The following IAH1 variants were observed in gnomAD, a reference collection of about 807,000 sequenced individuals.
IAH1 encodes isoamyl acetate hydrolyzing esterase 1 (putative).
Under a neutral mutation model 26.7 loss-of-function variants are expected in IAH1, and 24 were observed. The observed-to-expected ratio is 0.90, with a 90% CI of 0.65 to 1.26. The LOEUF is 1.26. Ranked by LOEUF, IAH1 falls within the 50% of genes most tolerant of loss-of-function variation. The pLI, the probability that IAH1 is intolerant of heterozygous loss-of-function variation, is 0.00. For synonymous variants in IAH1, 140 were observed against 118.5 expected (o/e 1.18, Z -1.18); for missense variants, 300 against 299.9 (o/e 1.00, Z 0.00).
downstream of IAH1, among the ~76,000 whole-genome samples, chr2:9,491,957 C>T (rs925231857): frequency 2.0e-5 from 3 of 152,220 alleles, no homozygotes; most frequent in Admixed American, 6.5e-5. Flanking sequence ...CCAGAGACAT[C>T]TGTCAAAGCT....
At chr2:9,482,924 T>A (rs1177761145) in intron 4 of IAH1, among the ~76,000 whole-genome samples, 4 of 152,166 alleles carry the variant, frequency 2.6e-5, no homozygotes, top group African/African-American at 9.7e-5. Flanking sequence ...GGGAGGTGTT[T>A]AAGGCCCACA....
At chr2:9,475,111 G>C in intron 1 of IAH1, 2 of 1,269,308 alleles carry the variant, frequency 1.6e-6, no homozygotes, top group South Asian at 1.3e-5. Context: ...GGGCCGTTAG[G>C]GGTTGACCTT....
intron 6 of IAH1, chr2:9,494,867 A>T (rs948769185): frequency 1.4e-6 from 2 of 1,438,020 alleles, no homozygotes; most frequent in African/African-American, 2.9e-5. Flanking sequence ...AGAGGTAAGA[A>T]ATCACATTTA....
At chr2:9,482,949 A>G (rs918093035) in intron 4 of IAH1, among the ~76,000 whole-genome samples, 9 of 152,320 alleles carry the variant, frequency 5.9e-5, no homozygotes, top group Admixed American at 2.0e-4. Flanking sequence ...TCCCCTGGAG[A>G]CAACTTCAGA....
chr2:9,488,413 T>G lies in IAH1; in HGVS notation c.*84T>G, dbSNP rs1208034141. The stretch of plus-strand genomic sequence containing the variant: ...TAGAGGTACGCTTTTTTCCTCAGGC[T>G]TAAACCTTTGCCACTGATATTAATA... On this transcript the variant is annotated 3_prime_UTR_variant, in exon 6 of 6. Transcript: ENST00000497473. The G allele has an allele frequency of 1.8e-6, 2 of 1,103,512 alleles. No homozygotes were observed. The highest frequency in any genetic ancestry group is 2.6e-6 in the Non-Finnish European group (2 of 781,090). The allele number at this position is 1,103,512 out of a possible 1,614,324, so 68.4% of individuals were successfully genotyped here. A position where few individuals can be genotyped will look rare whatever the true frequency, so the allele number is the denominator to read the frequency against.
At chr2:9,475,262 T>C in intron 1 of IAH1, 5 of 1,197,482 alleles carry the variant, frequency 4.2e-6, no homozygotes, top group Non-Finnish European at 5.5e-6. Flanking sequence ...CCTGTGTGTG[T>C]CCTCTTCTCA....
At position 9,484,643 on chromosome 2, in the gene IAH1, C is replaced by G; in HGVS notation, c.564+93C>G. On this transcript the variant is annotated intron_variant, in intron 5 of 5. Coordinates refer to ENST00000497473, the MANE Select transcript of IAH1 (RefSeq NM_001039613.3). ...AGCAGCTTTCCCTAGAAAGGCCCTG[C>G]TTAGCTAAGACAGTCATCCCTTTAG... The G allele has an allele frequency of 3.7e-6, 3 of 810,082 alleles. No homozygotes were observed. In the Admixed American group the frequency reaches 6.4e-5, roughly 17 times the overall value. The allele number at this position is 810,082 out of a possible 1,614,324, so 50.2% of individuals were successfully genotyped here. A position where few individuals can be genotyped will look rare whatever the true frequency, so the allele number is the denominator to read the frequency against.
At chr2:9,493,060 T>C, downstream of IAH1, 3 of 1,264,430 alleles carry the variant, frequency 2.4e-6, no homozygotes, top group Non-Finnish European at 3.3e-6. Flanking sequence ...TCTTAGGATA[T>C]TACCATTGTG....
chr2:9,506,297 T>C, the IAH1 span, among the ~76,000 whole-genome samples: 1 of 148,264 alleles, frequency 6.7e-6, no homozygotes, highest in Non-Finnish European at 1.5e-5. Flanking sequence ...TTCAGAAAGA[T>C]AGCAAAGACC....
At chr2:9,478,075 T>C (rs1660931935) in intron 2 of IAH1, 147 bp from the exon 3 acceptor site, 3 of 624,572 alleles carry the variant, frequency 4.8e-6, no homozygotes, top group Non-Finnish European at 8.2e-6. Context: ...GCTATGTTCT[T>C]GCTCCTATCA....
chr2:9,482,743 C>T (rs575667060), intron 4 of IAH1, among the ~76,000 whole-genome samples: 6 of 152,328 alleles, frequency 3.9e-5, no homozygotes, highest in Admixed American at 3.3e-4. Flanking sequence ...GGATCCAATG[C>T]GTTCTCAAGT....
In IAH1 at chr2:9,488,499, GTATT is replaced by G. The variant is rs573141533; in HGVS notation, c.*175_*178del. On this transcript the variant is annotated 3_prime_UTR_variant, in exon 6 of 6. Coordinates refer to ENST00000497473, the MANE Select transcript of IAH1 (RefSeq NM_001039613.3). ...TACTTAGGTCCATTGTGTTTCGACA[GTATT>G]TATTAATGCAGATATCAGTGCTACA... 643 of 496,470 alleles carry G rather than the reference GTATT, an allele frequency of 1.3e-3. 3 individuals carry two copies. The highest frequency in any genetic ancestry group is 0.011 in the African/African-American group (581 of 51,040). The allele number at this position is 496,470 out of a possible 1,614,324, so 30.8% of individuals were successfully genotyped here. A position where few individuals can be genotyped will look rare whatever the true frequency, so the allele number is the denominator to read the frequency against.
chr2:9,511,305 C>T, the IAH1 span, among the ~76,000 whole-genome samples: 1 of 152,106 alleles, frequency 6.6e-6, no homozygotes, highest in Non-Finnish European at 1.5e-5. Context: ...AAAAAATTAG[C>T]TGGGTGTGGT....
intron 4 of IAH1, among the ~76,000 whole-genome samples, chr2:9,483,660 C>T (rs921746240): frequency 6.6e-6 from 1 of 152,128 alleles, no homozygotes; most frequent in African/African-American, 2.4e-5. Context: ...TGAGCCTTCT[C>T]CCCTAGCCCC....
the IAH1 span, chr2:9,502,280 GAGA>G: frequency 5.9e-5 from 95 of 1,607,062 alleles, no homozygotes; most frequent in African/African-American, 9.4e-4. Flanking sequence ...CCTGTCACTG[GAGA>G]AGAACAGCAG....
At chr2:9,494,657 C>T (rs371598292), downstream of IAH1, 13 of 1,613,950 alleles carry the variant, frequency 8.1e-6, no homozygotes, top group African/African-American at 1.6e-4. Flanking sequence ...CAAAATCCTA[C>T]TGTACAGGGC....
At chr2:9,483,502 G>T (rs1234176425) in intron 4 of IAH1, among the ~76,000 whole-genome samples, 2 of 152,226 alleles carry the variant, frequency 1.3e-5, no homozygotes, top group African/African-American at 2.4e-5. Flanking sequence ...CAAAGCTGGT[G>T]AATAGTTTCT....
chr2:9,490,024 C>CACAAGAACTGTTTACCTGCA, downstream of IAH1: 1 of 705,354 alleles, frequency 1.4e-6, no homozygotes, highest in Non-Finnish European at 2.3e-6. Flanking sequence ...GGCCAAACCA[C>CACAAGAACTGTTTACCTGCA]ACAAGAACTG....
At chr2:9,502,090 T>A in the IAH1 span, 1 of 1,262,842 alleles carries the variant, frequency 7.9e-7, no homozygotes, top group African/African-American at 1.5e-5. Flanking sequence ...GTGTCTCTCA[T>A]CTGAACAAAA....
Sources: allele counts gnomAD v4.1 joint callset (sites outside exome capture counted in the v4.1 genomes callset), GRCh38; gene constraint gnomAD v4.1.1; transcripts MANE v1.5; gene names NCBI Gene and HGNC (gene_info 2026-07-23, HGNC 2026-07-21).